Variants in TK2 observed in about 807,000 individuals in gnomAD.
The protein encoded by TK2 is thymidine kinase 2, mitochondrial.
A neutral mutation model predicts 41.9 loss-of-function variants in TK2; 35 were observed. That is an observed-to-expected ratio of 0.84 (90% CI 0.64 to 1.11). The LOEUF is 1.11. Ranked by LOEUF, TK2 falls within the 50% of genes least tolerant of loss-of-function variation. The pLI is 0.00. For synonymous variants in TK2, 128 were observed against 129.1 expected (o/e 0.99, Z 0.06); for missense variants, 320 against 351.1 (o/e 0.91, Z 0.71).
chr16:66,535,208 T>C (rs905092101), intron 4 of TK2, among the ~76,000 whole-genome samples: 1 of 152,222 alleles, frequency 6.6e-6, no homozygotes, highest in Non-Finnish European at 1.5e-5. Flanking sequence ...AAAGTATCGA[T>C]CTTTCTTTTG....
At chr16:66,543,220 G>A (rs1390099766) in intron 2 of TK2, among the ~76,000 whole-genome samples, 1 of 152,300 alleles carries the variant, frequency 6.6e-6, no homozygotes, top group East Asian at 1.9e-4. Context: ...CAATGTGCAG[G>A]CAAGGATGGG....
At chr16:66,528,748 G>T (rs1381193858) in intron 6 of TK2, among the ~76,000 whole-genome samples, 1 of 152,156 alleles carries the variant, frequency 6.6e-6, no homozygotes, top group African/African-American at 2.4e-5. Context: ...CTGATCCCCA[G>T]ACATCTCATT....
intron 3 of TK2, among the ~76,000 whole-genome samples, chr16:66,537,458 C>A (rs768667468): frequency 5.9e-5 from 9 of 152,248 alleles, no homozygotes; most frequent in Non-Finnish European, 8.8e-5. Context: ...CCTCCGTTTC[C>A]TGCCTCTGAT....
intron 5 of TK2, among the ~76,000 whole-genome samples, chr16:66,530,292 A>G (rs1040523558): frequency 1.3e-5 from 2 of 152,224 alleles, no homozygotes; most frequent in African/African-American, 4.8e-5. Context: ...CTGTAGGGAC[A>G]GTCTGTCTCC....
rs569162814 is a variant in TK2, at chr16:66,512,129, C to A, written c.700-63G>T. ...CCTCAGCAGCATCCTCCTTTCACAGCTGGAGACAGACAGATGGAAGCAGGC... is the reference window on the plus strand; with the variant it reads ...CCTCAGCAGCATCCTCCTTTCACAGATGGAGACAGACAGATGGAAGCAGGC... On this transcript the variant is annotated intron_variant, in intron 9 of 9. Coordinates refer to ENST00000544898, the MANE Select transcript of TK2 (RefSeq NM_004614.5). The A allele has an allele frequency of 1.5e-5, 22 of 1,421,462 alleles. No homozygotes were observed. The Admixed American group carries it at 3.7e-4, about 24-fold the overall frequency. The allele number at this position is 1,421,462 out of a possible 1,614,324, so 88.1% of individuals were successfully genotyped here.
Position 66,517,062 on chromosome 16 carries a change from G to T in TK2, c.618+74C>A. ...GGCACAATGATCTCATGGGGGTGGG[G>T]CCGGGAGAGGAAGCCGGGTTGGACA... On this transcript the variant is annotated intron_variant, in intron 8 of 9. Transcript: ENST00000544898. This position sits in a 1 kb window ranked among gnomAD's most constrained non-coding sequence, Gnocchi z 4.3. 7.8e-7 allele frequency: 1 copy of T among 1,285,990 alleles called. No homozygotes were observed. The highest frequency in any genetic ancestry group is 1.1e-6 in the Non-Finnish European group (1 of 881,074). 79.7% of individuals were successfully genotyped at this position (1,285,990 alleles called of 1,614,324 possible).
At chr16:66,537,818 G>A (rs1965333564) in intron 3 of TK2, among the ~76,000 whole-genome samples, 1 of 152,092 alleles carries the variant, frequency 6.6e-6, no homozygotes, top group African/African-American at 2.4e-5. Flanking sequence ...TGTGAGAAGG[G>A]GCCATAGGTG....
chr16:66,548,685 T>C (rs1965683552), intron 2 of TK2: 2 of 397,376 alleles, frequency 5.0e-6, no homozygotes, highest in Non-Finnish European at 9.2e-6. Flanking sequence ...CACAACACAA[T>C]GAGCGTTTTT....
intron 3 of TK2, among the ~76,000 whole-genome samples, chr16:66,539,396 TGAAACCA>T (rs1965385755): frequency 6.6e-6 from 1 of 151,764 alleles, no homozygotes; most frequent in African/African-American, 2.4e-5. Context: ...GTCAGGAGTT[TGAAACCA>T]GCCTGGCCAA....
At chr16:66,528,672 G>A (rs137998782) in intron 6 of TK2, among the ~76,000 whole-genome samples, 178 of 152,342 alleles carry the variant, frequency 1.2e-3, no homozygotes, top group Non-Finnish European at 2.2e-3. Flanking sequence ...CAGAAGGAGA[G>A]TGACAGGCAA....
At chr16:66,546,279 GT>G (rs1208255553) in intron 2 of TK2, among the ~76,000 whole-genome samples, 1 of 152,166 alleles carries the variant, frequency 6.6e-6, no homozygotes, top group Non-Finnish European at 1.5e-5. Flanking sequence ...TTGTAGTGGT[GT>G]TTACTCTGTA....
At position 66,542,004 on chromosome 16, in the gene TK2, A is replaced by G. The variant is rs758523096; in HGVS notation, c.157-51T>C. The G allele has an allele frequency of 5.7e-6, 9 of 1,586,886 alleles. No homozygotes were observed. In the East Asian group the frequency reaches 1.6e-4, roughly 28 times the overall value. On this transcript the variant is annotated intron_variant, in intron 2 of 9. Transcript: ENST00000544898. The stretch of plus-strand genomic sequence containing the variant: ...AGCCAGAACTCAAGCACCCAGGGGA[A>G]TGTCAGGGAATAATGGCTACGGAAA...
chr16:66,538,492 G>A (rs1965356415), intron 3 of TK2, among the ~76,000 whole-genome samples: 1 of 152,134 alleles, frequency 6.6e-6, no homozygotes, highest in Admixed American at 6.6e-5. Flanking sequence ...GCTCAGGGGT[G>A]CTCCATCCAT....
chr16:66,546,426 A>G (rs147743606), intron 2 of TK2: 1 of 152,252 alleles, frequency 6.6e-6, no homozygotes, highest in African/African-American at 2.4e-5. Flanking sequence ...TCAAATAACT[A>G]AGGGAAGACA....
At position 66,525,711 on chromosome 16, in the gene TK2, A is replaced by C. The variant is rs551125796; in HGVS notation, c.449+3283T>G. ...TCAAGAGATCCCAGTGATGGATCTC[A>C]AGGCCCCAACAAGGTCTTCAGGGGA... On this transcript the variant is annotated intron_variant, in intron 6 of 9. Transcript: ENST00000544898. Among the ~76,000 whole-genome samples, 3 of 152,304 alleles carry C rather than the reference A, an allele frequency of 2.0e-5. No individual in the cohort carries two copies. The East Asian group carries it at 5.8e-4, about 29-fold the overall frequency.
At chr16:66,516,786 G>T (rs1964627817) in intron 8 of TK2, among the ~76,000 whole-genome samples, 1 of 152,136 alleles carries the variant, frequency 6.6e-6, no homozygotes, top group Admixed American at 6.5e-5. Context: ...TCGCATTCTA[G>T]GGAGGACACA....
intron 3 of TK2, among the ~76,000 whole-genome samples, chr16:66,539,622 A>AAGG (rs1555527752): frequency 7.8e-4 from 112 of 143,420 alleles, no homozygotes; most frequent in African/African-American, 3.0e-3. Context: ...AAAAAAAAAA[A>AAGG]AAGGAAGAAA....
Position 66,510,392 on chromosome 16 carries a change from G to C in TK2, c.*1576C>G, listed in dbSNP as rs999179917. 3.3e-5 allele frequency: 5 copies of C among 152,248 alleles called. No homozygotes were observed. The highest frequency in any genetic ancestry group is 3.3e-4 in the Admixed American group (5 of 15,284). 9.4% of individuals were successfully genotyped at this position (152,248 alleles called of 1,614,324 possible). A position where few individuals can be genotyped will look rare whatever the true frequency, so the allele number is the denominator to read the frequency against. On this transcript the variant is annotated 3_prime_UTR_variant, in exon 10 of 10. Coordinates refer to ENST00000544898, the MANE Select transcript of TK2 (RefSeq NM_004614.5). ...TTTTCCAGCTAATTAGCAGCACGTG[G>C]GCTACAGGTGCTGCTAGACACAGCT...
chr16:66,520,382 G>A (rs774988484), intron 6 of TK2, among the ~76,000 whole-genome samples: 4 of 152,088 alleles, frequency 2.6e-5, no homozygotes, highest in African/African-American at 9.7e-5. Context: ...CCCACCCCAA[G>A]CTTCCAAGCT....
Sources: allele counts gnomAD v4.1 joint callset (sites outside exome capture counted in the v4.1 genomes callset), GRCh38; gene constraint gnomAD v4.1.1; non-coding constraint Gnocchi (gnomAD v3.1); transcripts MANE v1.5; gene names NCBI Gene and HGNC (gene_info 2026-07-23, HGNC 2026-07-21).